FOXP1: variants seen among roughly 807,000 people sequenced by gnomAD.
FOXP1 encodes the protein forkhead box protein P1.
In FOXP1, 15 loss-of-function variants were observed where a neutral mutation model predicts 98.2. The ratio of observed to expected loss-of-function variants is 0.15; its 90% CI spans 0.10 to 0.24. The LOEUF (loss-of-function observed/expected upper bound fraction) is 0.24, where lower values mean the gene tolerates loss of function less well. FOXP1 is among the 10% of genes least tolerant of loss of function. FOXP1 has a pLI of 1.00. For synonymous variants in FOXP1, 371 were observed against 314.5 expected (o/e 1.18, Z -1.90); for missense variants, 633 against 848.5 (o/e 0.75, Z 3.15).
chr3:71,321,694 T>G (rs982283337), intron 4 of FOXP1, among the ~76,000 whole-genome samples: 2 of 152,000 alleles, frequency 1.3e-5, no homozygotes, highest in Non-Finnish European at 2.9e-5. Flanking sequence ...CGATCTCCTC[T>G]CACTGCAACC....
intron 6 of FOXP1, among the ~76,000 whole-genome samples, chr3:71,174,933 G>A (rs2061854156): frequency 6.8e-6 from 1 of 146,266 alleles, no homozygotes; most frequent in East Asian, 2.0e-4. Context: ...TTTTTTTTGA[G>A]ATGGAGTCTC....
intron 2 of FOXP1, among the ~76,000 whole-genome samples, chr3:71,529,235 C>T (rs1362073799): frequency 6.6e-6 from 1 of 152,218 alleles, no homozygotes; most frequent in African/African-American, 2.4e-5. Context: ...CAATACTTCA[C>T]ATGCATATTA....
chr3:71,004,654 C>T (rs1333740548), intron 12 of FOXP1, among the ~76,000 whole-genome samples: 2 of 152,158 alleles, frequency 1.3e-5, no homozygotes, highest in African/African-American at 4.8e-5. Context: ...TTTCTACCTT[C>T]AGAATCCATT....
intron 3 of FOXP1, among the ~76,000 whole-genome samples, chr3:71,397,205 A>C (rs1206146652): frequency 6.7e-6 from 1 of 150,242 alleles, no homozygotes; most frequent in Non-Finnish European, 1.5e-5. Context: ...AAATTGTCTA[A>C]GCCATCAAGT....
chr3:71,338,329 GA>G (rs5850007), intron 4 of FOXP1, among the ~76,000 whole-genome samples: 62,621 of 152,142 alleles, frequency 0.41, 14,280 homozygotes, highest in East Asian at 0.73. Flanking sequence ...CAGTGTTATA[GA>G]AAGTGGATAA....
intron 2 of FOXP1, among the ~76,000 whole-genome samples, chr3:71,525,737 A>G (rs1413998217): frequency 6.6e-6 from 1 of 152,184 alleles, no homozygotes; most frequent in Non-Finnish European, 1.5e-5. Flanking sequence ...AATTACAATA[A>G]TCCATAGAAA....
At chr3:70,967,520 T>C (rs1342709099) in intron 19 of FOXP1, among the ~76,000 whole-genome samples, 1 of 152,150 alleles carries the variant, frequency 6.6e-6, no homozygotes, top group Non-Finnish European at 1.5e-5. Flanking sequence ...GGTGAACTCA[T>C]TTTGATGAAC....
At chr3:71,096,478 T>C (rs536791648) in intron 7 of FOXP1, among the ~76,000 whole-genome samples, 1 of 152,266 alleles carries the variant, frequency 6.6e-6, no homozygotes, top group South Asian at 2.1e-4. Context: ...TGACTAGTCA[T>C]TTATAGATAA....
At chr3:71,550,807 T>C (rs1199067659) in intron 2 of FOXP1, among the ~76,000 whole-genome samples, 2 of 152,228 alleles carry the variant, frequency 1.3e-5, no homozygotes, top group Non-Finnish European at 2.9e-5. Flanking sequence ...ATCATATTTA[T>C]ACCACTCCGC....
intron 6 of FOXP1, among the ~76,000 whole-genome samples, chr3:71,157,776 T>G (rs1215624655): frequency 6.6e-6 from 1 of 152,098 alleles, no homozygotes; most frequent in Non-Finnish European, 1.5e-5. Flanking sequence ...CCTGTCCTCA[T>G]GAAGCTTCTA....
At chr3:71,372,742 C>T (rs1027110796) in intron 3 of FOXP1, among the ~76,000 whole-genome samples, 1 of 152,184 alleles carries the variant, frequency 6.6e-6, no homozygotes, top group Non-Finnish European at 1.5e-5. Context: ...AAGAAAACCT[C>T]ACTCGAAGCT....
At chr3:71,416,101 A>C (rs1313499116) in intron 3 of FOXP1, among the ~76,000 whole-genome samples, 4 of 152,216 alleles carry the variant, frequency 2.6e-5, no homozygotes, top group South Asian at 4.1e-4. Flanking sequence ...AGAACCTGTA[A>C]AGTTACATTC....
intron 2 of FOXP1, among the ~76,000 whole-genome samples, chr3:71,568,629 T>C (rs150127294): frequency 6.7e-6 from 1 of 148,294 alleles, no homozygotes; most frequent in African/African-American, 2.5e-5. Context: ...CTTCTGCTTT[T>C]TGTTTGTTCC....
chr3:71,581,563 G>A lies in FOXP1; in HGVS notation c.-312C>T. ...CCTCGACTTACCCGCGGAGTCCGGG[G>A]AGGGAGTAGGAGCGCCGCCTTCACG... On this transcript the variant is annotated 5_prime_UTR_variant, in exon 2 of 21. Transcript: ENST00000649528. 2.0e-6 allele frequency: 2 copies of A among 985,456 alleles called. No homozygotes were observed. Among genetic ancestry groups the A allele is most frequent in the Non-Finnish European group, 1.2e-6 (1 of 829,956 alleles). The allele number at this position is 985,456 out of a possible 1,614,324, so 61.0% of individuals were successfully genotyped here. A position where few individuals can be genotyped will look rare whatever the true frequency, so the allele number is the denominator to read the frequency against.
chr3:71,528,839 T>C (rs1367747270), intron 2 of FOXP1, among the ~76,000 whole-genome samples: 2 of 152,162 alleles, frequency 1.3e-5, no homozygotes, highest in African/African-American at 4.8e-5. Flanking sequence ...GGGTTAGGTA[T>C]GAAAGAAGGA....
chr3:71,265,952 G>A (rs184032315), intron 5 of FOXP1, among the ~76,000 whole-genome samples: 1 of 152,264 alleles, frequency 6.6e-6, no homozygotes, highest in East Asian at 1.9e-4. Flanking sequence ...AGTGCAAGAG[G>A]CCATCCCGGT....
chr3:71,362,696 C>T (rs964785298), intron 3 of FOXP1, among the ~76,000 whole-genome samples: 2 of 152,182 alleles, frequency 1.3e-5, no homozygotes, highest in Non-Finnish European at 2.9e-5. Context: ...TCTGAAACTC[C>T]TGGCCTCAAG....
rs182105924 is a variant in FOXP1 at position 71,082,178 on chromosome 3, C to G, written c.283-28405G>C. Among the ~76,000 whole-genome samples, 53 of 151,580 alleles carry G rather than the reference C, an allele frequency of 3.5e-4. No homozygotes were observed. The East Asian group carries it at 9.7e-3, about 28-fold the overall frequency. On this transcript the variant is annotated intron_variant, in intron 7 of 20. Transcript: ENST00000649528. ...CCTGTAATCCCAGCTACTCAGGAGG[C>G]TGAGGCAAGAGAATTGCTTGAACTT...
At chr3:71,583,367 G>T in intron 1 of FOXP1, 3 of 796,910 alleles carry the variant, frequency 3.8e-6, no homozygotes, top group Non-Finnish European at 4.6e-6. Context: ...CCGGGGGGGA[G>T]AGGAAGAGAG....
Sources: gnomAD v4.1 joint callset for allele counts (sites outside exome capture counted in the v4.1 genomes callset) on GRCh38, gnomAD v4.1.1 for gene constraint, MANE v1.5 for transcripts, NCBI Gene and HGNC (gene_info 2026-07-23, HGNC 2026-07-21) for gene names.